Variants in MAGI3 observed in about 807,000 individuals in gnomAD.
MAGI3 encodes the protein membrane associated guanylate kinase, WW and PDZ domain containing 3, also known as membrane-associated guanylate kinase, WW and PDZ domain-containing protein 3.
In MAGI3, 43 loss-of-function variants were observed where a neutral mutation model predicts 121.8. That is an observed-to-expected ratio of 0.35 (90% CI 0.28 to 0.46). The LOEUF is 0.46. Ranked by LOEUF, MAGI3 falls within the 20% of genes least tolerant of loss-of-function variation. The pLI is 1.00. For synonymous variants in MAGI3, 553 were observed against 639.3 expected, an observed-to-expected ratio of 0.86 and a Z score of 2.04; for missense variants, 1,547 against 1,797.3, an observed-to-expected ratio of 0.86 and a Z score of 2.52.
At chr1:113,557,141 G>A (rs1660027242) in intron 2 of MAGI3, among the ~76,000 whole-genome samples, 1 of 152,174 alleles carries the variant, frequency 6.6e-6, no homozygotes, top group South Asian at 2.1e-4. Flanking sequence ...AGACAAGGGA[G>A]CGTCCCCCCA....
At chr1:113,438,708 T>C (rs1653761748) in intron 1 of MAGI3, among the ~76,000 whole-genome samples, 1 of 152,206 alleles carries the variant, frequency 6.6e-6, no homozygotes, top group African/African-American at 2.4e-5. Context: ...TTACGTAAAC[T>C]AATACAGTGA....
Position 113,671,719 on chromosome 1 carries a change from T to C in MAGI3, c.2816-15T>C. 1 of 1,612,952 alleles carries C rather than the reference T, an allele frequency of 6.2e-7. No individual in the cohort carries two copies. Among genetic ancestry groups the C allele is most frequent in the Non-Finnish European group, 8.5e-7 (1 of 1,179,036 alleles). On this transcript the variant is annotated splice_polypyrimidine_tract_variant and intron_variant, in intron 16 of 20. Coordinates refer to ENST00000307546, the MANE Select transcript of MAGI3 (RefSeq NM_001142782.2). ...TGTACAAATTCTTATTTCTATTGTT[T>C]TCTCATTTGAACAGAGCATCATGGT...
At chr1:113,438,827 A>C (rs917009027) in intron 1 of MAGI3, among the ~76,000 whole-genome samples, 2 of 152,266 alleles carry the variant, frequency 1.3e-5, no homozygotes, top group African/African-American at 4.8e-5. Context: ...TATCAGGTGC[A>C]GTAGCAGAAT....
At chr1:113,450,256 T>G in intron 1 of MAGI3, 1 of 1,601,890 alleles carries the variant, frequency 6.2e-7, no homozygotes, top group Non-Finnish European at 8.5e-7. Context: ...AGAGATGCAG[T>G]CTGCTGGATC....
intron 3 of MAGI3, 95 bp from the exon 4 acceptor site, chr1:113,585,292 T>A: frequency 2.5e-6 from 3 of 1,181,378 alleles, no homozygotes; most frequent in Non-Finnish European, 3.6e-6. Context: ...TCAAAACTTC[T>A]TTGTGAAAAA....
chr1:113,677,675 A>T lies in MAGI3; in HGVS notation c.3190-3523A>T, dbSNP rs539302096. On this transcript the variant is annotated intron_variant, in intron 19 of 20. Transcript: ENST00000307546. ...CCTATAAAAAAATAGTGATTTGTTTAAAAAAGGGAACATTCTTTTTCCCTA... is the reference window on the plus strand; with the variant it reads ...CCTATAAAAAAATAGTGATTTGTTTTAAAAAGGGAACATTCTTTTTCCCTA... 8.5e-5 allele frequency among the ~76,000 whole-genome samples: 13 copies of T among 152,314 alleles called. No individual in the cohort carries two copies. The South Asian group carries it at 2.7e-3, about 32-fold the overall frequency.
At chr1:113,542,467 A>T (rs1343711470) in intron 1 of MAGI3, among the ~76,000 whole-genome samples, 1 of 152,226 alleles carries the variant, frequency 6.6e-6, no homozygotes, top group Non-Finnish European at 1.5e-5. Flanking sequence ...GAAACCGTGG[A>T]AGACAAAACG....
chr1:113,660,553 T>G (rs1219796524), intron 16 of MAGI3, among the ~76,000 whole-genome samples: 1 of 151,636 alleles, frequency 6.6e-6, no homozygotes, highest in Non-Finnish European at 1.5e-5. Context: ...ATATCCCTAT[T>G]TAAATGGTCT....
chr1:113,397,491 C>T (rs1042657161), intron 1 of MAGI3, among the ~76,000 whole-genome samples: 5 of 152,144 alleles, frequency 3.3e-5, no homozygotes, highest in African/African-American at 4.8e-5. Flanking sequence ...AGGGCAAAAA[C>T]GTTCCATACA....
intron 2 of MAGI3, among the ~76,000 whole-genome samples, chr1:113,550,786 A>AT (rs1031270339): frequency 1.3e-5 from 2 of 150,804 alleles, no homozygotes; most frequent in African/African-American, 4.8e-5. Context: ...AACGAAAAAA[A>AT]ATATATATAT....
intron 16 of MAGI3, among the ~76,000 whole-genome samples, chr1:113,668,089 T>A (rs549664172): frequency 6.6e-6 from 1 of 152,226 alleles, no homozygotes; most frequent in Admixed American, 6.5e-5. Context: ...CAGATCACCA[T>A]AACAGATATA....
Position 113,642,337 on chromosome 1 carries a change from C to T in MAGI3, c.1787C>T (p.Pro596Leu), listed in dbSNP as rs750123949. ...TTTGGGTTTGCAATTGCTGACAGCC[C>T]TACTGGACAGAAGGTGAAAATGATA... ...KGFGFAIADS[P>L]TGQKVKMILD... The change falls in exon 10 of 21, where the codon CCT becomes CTT. Residue 596 changes from proline (P) to leucine (L), a missense_variant. Physicochemically the swap from Pro to Leu is moderately conservative, Grantham distance 98. Coordinates refer to ENST00000307546, the MANE Select transcript of MAGI3 (RefSeq NM_001142782.2). 3.1e-6 allele frequency: 5 copies of T among 1,614,062 alleles called. No individual in the cohort carries two copies. In the South Asian group the frequency reaches 5.5e-5, roughly 18 times the overall value.
chr1:113,466,589 T>C (rs78383137), intron 1 of MAGI3, among the ~76,000 whole-genome samples: 3,556 of 152,278 alleles, frequency 0.023, 135 homozygotes, highest in African/African-American at 0.081. Context: ...GAATCATCAA[T>C]AGAGCCATAA....
At chr1:113,509,218 TA>T (rs1209221058) in intron 1 of MAGI3, among the ~76,000 whole-genome samples, 1 of 152,120 alleles carries the variant, frequency 6.6e-6, no homozygotes, top group Non-Finnish European at 1.5e-5. Flanking sequence ...CTTTATTGTT[TA>T]AAAAAACCCC....
intron 10 of MAGI3, 106 bp downstream of exon 10, chr1:113,642,622 G>A: frequency 8.2e-7 from 1 of 1,215,418 alleles, no homozygotes; most frequent in Non-Finnish European, 1.1e-6. Flanking sequence ...GACTTAACTA[G>A]TAATTAGTGT....
intron 1 of MAGI3, among the ~76,000 whole-genome samples, chr1:113,542,151 A>G (rs1252976288): frequency 6.6e-6 from 1 of 152,140 alleles, no homozygotes; most frequent in Non-Finnish European, 1.5e-5. Flanking sequence ...AAGACCCCCC[A>G]GTGGATGCCG....
At chr1:113,521,378 G>A (rs1658186290) in intron 1 of MAGI3, among the ~76,000 whole-genome samples, 1 of 147,306 alleles carries the variant, frequency 6.8e-6, no homozygotes, top group Non-Finnish European at 1.5e-5. Context: ...GAGCCACCAC[G>A]CCTGGCCAGT....
chr1:113,636,011 C>T (rs991672196), intron 9 of MAGI3, among the ~76,000 whole-genome samples: 3 of 152,046 alleles, frequency 2.0e-5, no homozygotes, highest in Non-Finnish European at 4.4e-5. Flanking sequence ...AGTTTATTTG[C>T]GTAGAGGTGT....
At chr1:113,628,051 C>T (rs1451819898) in intron 9 of MAGI3, among the ~76,000 whole-genome samples, 1 of 151,976 alleles carries the variant, frequency 6.6e-6, no homozygotes, top group East Asian at 1.9e-4. Flanking sequence ...GGACTTACTC[C>T]TGCCATTTTG....
Sources: allele counts gnomAD v4.1 joint callset (sites outside exome capture counted in the v4.1 genomes callset), GRCh38; gene constraint gnomAD v4.1.1; transcripts MANE v1.5; gene names NCBI Gene and HGNC (gene_info 2026-07-23, HGNC 2026-07-21).